MED27: variants seen among roughly 807,000 people sequenced by gnomAD.
MED27 encodes the protein mediator of RNA polymerase II transcription subunit 27.
A neutral mutation model predicts 38.2 loss-of-function variants in MED27; 30 were observed. That is an observed-to-expected ratio of 0.79 (90% CI 0.59 to 1.07). The LOEUF is 1.07. MED27 is among the 50% of genes least tolerant of loss of function. The pLI is 0.00. For synonymous variants in MED27, 122 were observed against 153.5 expected (o/e 0.79, Z 1.52); for missense variants, 289 against 397.5 (o/e 0.73, Z 2.32).
At position 131,893,877 on chromosome 9, in the gene MED27, A is replaced by G. The variant is rs988514503; in HGVS notation, c.681+8T>C. On this transcript the variant is annotated splice_region_variant and intron_variant, in intron 5 of 7. Transcript: ENST00000292035. ...ACCAAGGAACACACAAGACTGCACA[A>G]TGCTTACCTTGCCATCTTCTGTGTA... The G allele has an allele frequency of 1.2e-6, 2 of 1,606,192 alleles. No homozygotes were observed. The highest frequency in any genetic ancestry group is 1.3e-5 in the African/African-American group (1 of 74,740).
intron 6 of MED27, among the ~76,000 whole-genome samples, chr9:131,877,951 C>A (rs1051755397): frequency 6.6e-6 from 1 of 152,074 alleles, no homozygotes; most frequent in African/African-American, 2.4e-5. Context: ...ATCAAGTCTG[C>A]CTCAGTTAGG....
In MED27 at chr9:131,863,190, G is replaced by C. The variant is rs59987262; in HGVS notation, c.724-50C>G. 4.1e-3 allele frequency: 6,199 copies of C among 1,516,654 alleles called. 220 individuals carry two copies. The African/African-American group carries it at 0.073, about 18-fold the overall frequency. The allele number at this position is 1,516,654 out of a possible 1,614,324, so 93.9% of individuals were successfully genotyped here. A position where few individuals can be genotyped will look rare whatever the true frequency, so the allele number is the denominator to read the frequency against. On this transcript the variant is annotated intron_variant, in intron 6 of 7. Coordinates refer to ENST00000292035, the MANE Select transcript of MED27 (RefSeq NM_004269.4). ...TTAGCGGCCACTCCAAGCTGGCATAGAGAAAACAAGCAGGACAAATGCACG... is the reference window on the plus strand; with the variant it reads ...TTAGCGGCCACTCCAAGCTGGCATACAGAAAACAAGCAGGACAAATGCACG...
At chr9:131,914,550 C>G (rs1477527603) in intron 4 of MED27, among the ~76,000 whole-genome samples, 2 of 152,180 alleles carry the variant, frequency 1.3e-5, no homozygotes, top group Non-Finnish European at 2.9e-5. Flanking sequence ...CAGCAGTGAC[C>G]AAAACAGTCT....
chr9:131,956,374 G>A (rs535776699), intron 3 of MED27, among the ~76,000 whole-genome samples: 9 of 152,276 alleles, frequency 5.9e-5, no homozygotes, highest in African/African-American at 2.2e-4. Flanking sequence ...AATGCACTTC[G>A]GGAGGCCGAG....
intron 3 of MED27, among the ~76,000 whole-genome samples, chr9:131,971,816 G>C (rs1831484815): frequency 6.6e-6 from 1 of 152,188 alleles, no homozygotes. Flanking sequence ...AAACTTTGCA[G>C]TTTTCTATGG....
chr9:132,070,665 G>A (rs1243359681), intron 2 of MED27, among the ~76,000 whole-genome samples: 1 of 152,134 alleles, frequency 6.6e-6, no homozygotes, highest in Non-Finnish European at 1.5e-5. Context: ...AAGATGAGAA[G>A]AGTCCCCTTT....
intron 6 of MED27, among the ~76,000 whole-genome samples, chr9:131,880,771 T>C (rs1418191656): frequency 3.3e-5 from 5 of 152,220 alleles, no homozygotes; most frequent in Non-Finnish European, 7.3e-5. Flanking sequence ...TGGCAGGTTA[T>C]TTTCAAGGGA....
At chr9:131,996,916 T>C (rs758850067) in intron 3 of MED27, among the ~76,000 whole-genome samples, 21 of 152,222 alleles carry the variant, frequency 1.4e-4, no homozygotes, top group Non-Finnish European at 2.9e-4. Flanking sequence ...ATACAGTATG[T>C]AATGCATACA....
chr9:131,881,913 G>A (rs1373043009), intron 6 of MED27, among the ~76,000 whole-genome samples: 1 of 142,288 alleles, frequency 7.0e-6, no homozygotes, highest in Non-Finnish European at 1.5e-5. Flanking sequence ...CCGCCACCAC[G>A]CCTGGCTGAT....
chr9:132,001,945 G>T (rs78831938), intron 3 of MED27, among the ~76,000 whole-genome samples: 155 of 152,286 alleles, frequency 1.0e-3, no homozygotes, highest in Middle Eastern at 6.8e-3. Flanking sequence ...ACAACTCCCC[G>T]TAAGATTCTA....
chr9:131,936,344 T>C (rs1001097574), intron 4 of MED27, among the ~76,000 whole-genome samples: 1 of 152,078 alleles, frequency 6.6e-6, no homozygotes, highest in Non-Finnish European at 1.5e-5. Context: ...ATGAGCACAG[T>C]TGGTGCTACC....
At chr9:131,981,934 T>C (rs1053700036) in intron 3 of MED27, among the ~76,000 whole-genome samples, 1 of 152,138 alleles carries the variant, frequency 6.6e-6, no homozygotes, top group Admixed American at 6.5e-5. Flanking sequence ...GGAAAGCACC[T>C]AGGGAAAGGC....
At chr9:131,964,413 A>ATGGTGGTGG (rs903097099) in intron 3 of MED27, among the ~76,000 whole-genome samples, 3 of 73,528 alleles carry the variant, frequency 4.1e-5, no homozygotes, top group African/African-American at 1.6e-4. Context: ...GGTGATAGTG[A>ATGGTGGTGG]TGGTGGTGGT....
At chr9:132,072,912 C>T (rs1248097559) in intron 2 of MED27, among the ~76,000 whole-genome samples, 1 of 152,012 alleles carries the variant, frequency 6.6e-6, no homozygotes, top group Non-Finnish European at 1.5e-5. Flanking sequence ...ACGTAACTCA[C>T]AAAGTAGGAT....
At chr9:132,067,751 G>A (rs1564347636) in intron 2 of MED27, among the ~76,000 whole-genome samples, 2 of 152,040 alleles carry the variant, frequency 1.3e-5, no homozygotes, top group South Asian at 2.1e-4. Flanking sequence ...TTGCTCTGTC[G>A]CCCAGGCTGG....
chr9:132,036,880 T>A (rs4360408), intron 2 of MED27, among the ~76,000 whole-genome samples: 128,726 of 152,114 alleles, frequency 0.85, 54,599 homozygotes, highest in East Asian at 0.91. Flanking sequence ...CAAAGGAAAG[T>A]CATAGGTGCT....
intron 3 of MED27, among the ~76,000 whole-genome samples, chr9:131,995,813 G>A (rs1033621434): frequency 2.6e-5 from 4 of 152,196 alleles, no homozygotes; most frequent in African/African-American, 9.7e-5. Context: ...CAAAGATGGG[G>A]TATGGGGTAC....
intron 4 of MED27, among the ~76,000 whole-genome samples, chr9:131,922,440 G>GTTT (rs1373158889): frequency 1.2e-5 from 1 of 86,270 alleles, no homozygotes; most frequent in African/African-American, 5.2e-5. Flanking sequence ...TGGCTTCTGT[G>GTTT]TCTTTTTTTT....
At chr9:131,921,943 T>C (rs987533325) in intron 4 of MED27, among the ~76,000 whole-genome samples, 1 of 148,210 alleles carries the variant, frequency 6.7e-6, no homozygotes, top group Non-Finnish European at 1.5e-5. Flanking sequence ...AAACACTGCA[T>C]GTTCTCACTC....
Sources: allele counts gnomAD v4.1 joint callset (sites outside exome capture counted in the v4.1 genomes callset), GRCh38; gene constraint gnomAD v4.1.1; transcripts MANE v1.5; gene names NCBI Gene and HGNC (gene_info 2026-07-23, HGNC 2026-07-21).